ADGRG2: variants seen among roughly 807,000 people sequenced by gnomAD.
ADGRG2 encodes the protein G protein-coupled receptor 64.
A neutral mutation model predicts 74.1 loss-of-function variants in ADGRG2; 26 were observed. That is an observed-to-expected ratio of 0.35 (90% CI 0.26 to 0.49). The LOEUF (loss-of-function observed/expected upper bound fraction) is 0.49. Among genes scored for constraint, ADGRG2 ranks in the 20% least tolerant of loss-of-function variants. ADGRG2 has a pLI of 0.99. For missense variants in ADGRG2, 619 were observed against 763.1 expected, an observed-to-expected ratio of 0.81 and a Z score of 2.22; for synonymous variants, 296 against 295.2, an observed-to-expected ratio of 1.00 and a Z score of -0.03.
intron 16 of ADGRG2, 32 bp downstream of exon 16, chrX:19,013,654 G>A: frequency 8.9e-7 from 1 of 1,124,220 alleles, no homozygotes; most frequent in Non-Finnish European, 1.2e-6. Context: ...TGTCTTGATT[G>A]GCAGATTGGC....
chrX:19,021,992 G>A lies in ADGRG2; in HGVS notation c.549-794C>T, dbSNP rs986858864. Among the ~76,000 whole-genome samples the A allele has an allele frequency of 5.8e-4, 63 of 109,249 alleles. 1 individual carries two copies. Among genetic ancestry groups the A allele is most frequent in the African/African-American group, 1.9e-3 (58 of 30,284 alleles). 94.9% of individuals were successfully genotyped at this position (109,249 alleles called of 115,157 possible). A position where few individuals can be genotyped will look rare whatever the true frequency, so the allele number is the denominator to read the frequency against. ...CCAAAATCTTTCTGGGGCCGGGTGC[G>A]GTGGCTCACACCTGTAATCCCAGCA... On this transcript the variant is annotated intron_variant, in intron 13 of 28. Coordinates refer to ENST00000379869, the MANE Select transcript of ADGRG2 (RefSeq NM_001079858.3).
intron 11 of ADGRG2, among the ~76,000 whole-genome samples, chrX:19,024,542 A>G (rs1029094655): frequency 8.9e-6 from 1 of 112,546 alleles, no homozygotes; most frequent in African/African-American, 3.2e-5. Context: ...CTAAGGCGGT[A>G]GTTCTCAAAC....
intron 3 of ADGRG2, among the ~76,000 whole-genome samples, chrX:19,065,871 A>G (rs751214636): frequency 5.4e-4 from 61 of 112,028 alleles, no homozygotes; most frequent in Middle Eastern, 9.2e-3. Context: ...TTTTTGTTTG[A>G]GAGTCTCGCT....
intron 20 of ADGRG2, 73 bp downstream of exon 20, chrX:19,007,162 G>A (rs1209223206): frequency 1.7e-5 from 19 of 1,099,698 alleles, no homozygotes; most frequent in Middle Eastern, 3.2e-4. Context: ...GCCTTTTGCC[G>A]GCCATGCCTT....
chrX:19,098,197 C>T (rs188659855), intron 1 of ADGRG2, among the ~76,000 whole-genome samples: 66 of 111,430 alleles, frequency 5.9e-4, no homozygotes, highest in African/African-American at 2.1e-3. Flanking sequence ...AGAGATGGGA[C>T]TAGGCTAGAC....
chrX:19,081,327 G>A (rs777454899), intron 2 of ADGRG2, among the ~76,000 whole-genome samples: 19 of 112,057 alleles, frequency 1.7e-4, no homozygotes, highest in South Asian at 7.6e-4. Flanking sequence ...GTAGAGGAGA[G>A]AAATAAGAGG....
chrX:19,059,446 T>C (rs758190291), intron 3 of ADGRG2, among the ~76,000 whole-genome samples: 1 of 111,716 alleles, frequency 9.0e-6, no homozygotes, highest in South Asian at 3.8e-4. Context: ...AAAGTGAGGA[T>C]AACACAAACT....
chrX:19,103,933 T>C (rs893225760), intron 1 of ADGRG2, among the ~76,000 whole-genome samples: 11 of 111,208 alleles, frequency 9.9e-5, no homozygotes, highest in Non-Finnish European at 1.7e-4. Context: ...CTGGGTCCTA[T>C]CACACGTCTG....
At position 19,019,545 on chromosome X, in the gene ADGRG2, G is replaced by C. The variant is rs12838225; in HGVS notation, c.710+54C>G. 5.8e-3 allele frequency: 3,601 copies of C among 618,487 alleles called. 10 individuals carry two copies. Among genetic ancestry groups the C allele is most frequent in the Non-Finnish European group, 8.3e-3 (3,192 of 385,023 alleles). 51.0% of individuals were successfully genotyped at this position (618,487 alleles called of 1,213,427 possible). A position where few individuals can be genotyped will look rare whatever the true frequency, so the allele number is the denominator to read the frequency against. On this transcript the variant is annotated intron_variant, in intron 15 of 28. Transcript: ENST00000379869. ...ATTCTAAAACTCCTTAGCTAGCATG[G>C]TGATTTTTTTTTTTTTTTTTTTAAG... is the stretch of plus-strand genomic sequence containing the variant.
chrX:19,032,688 G>A (rs982199012), intron 8 of ADGRG2: 1 of 111,501 alleles, frequency 9.0e-6, no homozygotes, highest in Non-Finnish European at 1.9e-5. Context: ...AGCTTTGTGG[G>A]TCATATGGTC....
intron 2 of ADGRG2, among the ~76,000 whole-genome samples, chrX:19,078,043 T>A (rs1330707505): frequency 8.9e-6 from 1 of 111,974 alleles, no homozygotes; most frequent in East Asian, 2.8e-4. Context: ...AAGCCCCCAT[T>A]CAACAACTGC....
In ADGRG2 at chrX:19,085,423, G is replaced by T. The variant is rs1055969570; in HGVS notation, c.-46-2677C>A. Among the ~76,000 whole-genome samples, 3 of 110,931 alleles carry T rather than the reference G, an allele frequency of 2.7e-5. No individual in the cohort carries two copies. The Admixed American group carries it at 2.9e-4, about 11-fold the overall frequency. ...AGCTCACTGCAGCCTCCCACTCCTGGGTTCAAGTGATCCTCCCACCTCAGT... is the reference window on the plus strand; with the variant it reads ...AGCTCACTGCAGCCTCCCACTCCTGTGTTCAAGTGATCCTCCCACCTCAGT... On this transcript the variant is annotated intron_variant, in intron 1 of 28. Coordinates refer to ENST00000379869, the MANE Select transcript of ADGRG2 (RefSeq NM_001079858.3).
At chrX:19,052,104 T>C (rs918635100) in intron 3 of ADGRG2, among the ~76,000 whole-genome samples, 5 of 111,678 alleles carry the variant, frequency 4.5e-5, no homozygotes, top group African/African-American at 6.5e-5. Flanking sequence ...AGCCCTACAA[T>C]AGGAAACGAT....
chrX:19,040,088 G>A (rs1044220309), intron 4 of ADGRG2, 101 bp downstream of exon 4: 98 of 591,056 alleles, frequency 1.7e-4, no homozygotes, highest in Middle Eastern at 6.7e-4. Flanking sequence ...CTTCTTGGAG[G>A]AAAACAATTT....
chrX:19,084,535 T>A (rs910481260), intron 1 of ADGRG2, among the ~76,000 whole-genome samples: 1 of 111,763 alleles, frequency 8.9e-6, no homozygotes, highest in Non-Finnish European at 1.9e-5. Flanking sequence ...CGAACACATG[T>A]CCCAATGCTG....
chrX:19,080,072 G>C (rs1479840511), intron 2 of ADGRG2, among the ~76,000 whole-genome samples: 3 of 110,099 alleles, frequency 2.7e-5, no homozygotes, highest in Non-Finnish European at 3.8e-5. Context: ...ACCACACCTG[G>C]CTAATTTTTG....
chrX:19,093,939 C>T (rs7878568), intron 1 of ADGRG2, among the ~76,000 whole-genome samples: 4,930 of 103,502 alleles, frequency 0.048, 255 homozygotes, highest in African/African-American at 0.18. Flanking sequence ...ACACACACAC[C>T]CCATGGAATA....
chrX:19,039,559 T>C (rs1251283181), intron 4 of ADGRG2, among the ~76,000 whole-genome samples: 1 of 112,156 alleles, frequency 8.9e-6, no homozygotes, highest in East Asian at 2.8e-4. Flanking sequence ...CTGTGTGATG[T>C]GGAGCAAGGA....
At chrX:19,039,717 G>C (rs2061017007) in intron 4 of ADGRG2, among the ~76,000 whole-genome samples, 2 of 111,890 alleles carry the variant, frequency 1.8e-5, no homozygotes, top group African/African-American at 6.5e-5. Flanking sequence ...TGCCAATCTG[G>C]GTTCTAATGT....
Sources: gnomAD v4.1 joint callset for allele counts (sites outside exome capture counted in the v4.1 genomes callset) on GRCh38, gnomAD v4.1.1 for gene constraint, MANE v1.5 for transcripts, NCBI Gene and HGNC (gene_info 2026-07-23, HGNC 2026-07-21) for gene names.